The following GPSM2 variants were observed in gnomAD, a reference collection of about 807,000 sequenced individuals.
The protein encoded by GPSM2 is G protein-signaling modulator 2.
GPSM2 carries 58 observed loss-of-function variants against 78.4 expected under a neutral mutation model. That is an observed-to-expected ratio of 0.74 (90% confidence interval 0.60 to 0.92). The LOEUF (loss-of-function observed/expected upper bound fraction) is 0.92, where lower values mean the gene tolerates loss of function less well. Ranked by LOEUF, GPSM2 falls within the 40% of genes least tolerant of loss-of-function variation. GPSM2 has a pLI of 0.00. For synonymous variants in GPSM2, 224 were observed against 280.2 expected (o/e 0.80, Z 2.00); for missense variants, 700 against 815.5 (o/e 0.86, Z 1.73).
At position 108,896,914 on chromosome 1, in the gene GPSM2, A is replaced by T; in HGVS notation, c.107A>T (p.Lys36Ile). The T allele has an allele frequency of 6.2e-7, 1 of 1,614,186 alleles. No individual in the cohort carries two copies. Among genetic ancestry groups the T allele is most frequent in the Non-Finnish European group, 8.5e-7 (1 of 1,180,012 alleles). ...GCCTTGGAAGGGGAACGTCTATGTAAATCAGGAGACTGCCGCGCTGGCGTG... is the reference window on the plus strand; with the variant it reads ...GCCTTGGAAGGGGAACGTCTATGTATATCAGGAGACTGCCGCGCTGGCGTG... ...ELALEGERLC[K>I]SGDCRAGVSF... Residue 36 changes from lysine (K) to isoleucine (I), a missense_variant, in exon 3 of 15, where the codon AAA becomes ATA. By Grantham distance (102) the Lys-to-Ile change is moderately radical. Transcript: ENST00000264126.
chr1:108,925,754 T>C (rs943202466), intron 14 of GPSM2, among the ~76,000 whole-genome samples: 1 of 151,272 alleles, frequency 6.6e-6, no homozygotes, highest in Admixed American at 6.6e-5. Flanking sequence ...AAAGGGGAGA[T>C]AGTAAATATA....
chr1:108,929,855 A>C lies in GPSM2; in HGVS notation c.1970A>C (p.Asp657Ala), dbSNP rs1487216344. The C allele has an allele frequency of 3.1e-6, 5 of 1,613,960 alleles. No homozygotes were observed. Among genetic ancestry groups the C allele is most frequent in the Non-Finnish European group, 4.2e-6 (5 of 1,179,862 alleles). Residue 657 changes from aspartate (D) to alanine (A), a missense_variant, in exon 15 of 15, where the codon GAC (aspartate) becomes GCC (alanine). Coordinates refer to ENST00000264126, the MANE Select transcript of GPSM2 (RefSeq NM_013296.5). ...RVLLQRDQNR[D>A]TDFGLKDFLQ... ...CTTTTACAAAGAGATCAAAACAGAG[A>C]CACTGACTTTGGGCTAAAGGACTTT...
Position 108,895,610 on chromosome 1 carries a change from T to C in GPSM2, c.57-1254T>C, listed in dbSNP as rs543275073. On this transcript the variant is annotated intron_variant, in intron 2 of 14. Coordinates refer to ENST00000264126, the MANE Select transcript of GPSM2 (RefSeq NM_013296.5). ...GAACTGCACATTCGAGGGATCCAGA[T>C]TGCACATTCCTTATGAGAGTTTAAT... 2.6e-5 allele frequency among the ~76,000 whole-genome samples: 4 copies of C among 152,198 alleles called. No homozygotes were observed. In the South Asian group the frequency reaches 8.3e-4, roughly 32 times the overall value.
At chr1:108,890,670 C>A (rs183391460) in intron 2 of GPSM2, among the ~76,000 whole-genome samples, 1 of 152,164 alleles carries the variant, frequency 6.6e-6, no homozygotes, top group Admixed American at 6.6e-5. Context: ...TATAGTAAAT[C>A]CTTATGAAAT....
intron 11 of GPSM2, among the ~76,000 whole-genome samples, chr1:108,918,310 T>A (rs982561233): frequency 5.3e-5 from 8 of 152,218 alleles, no homozygotes; most frequent in Non-Finnish European, 8.8e-5. Context: ...AAACTTTGGC[T>A]CCTTCTCTGA....
At chr1:108,922,337 A>T in intron 12 of GPSM2, 80 bp from the exon 13 acceptor site, 1 of 1,009,332 alleles carries the variant, frequency 9.9e-7, no homozygotes, top group Admixed American at 1.8e-5. Context: ...TTTGCATTTG[A>T]ATGCATCATG....
Position 108,913,035 on chromosome 1 carries a change from A to G in GPSM2, c.1193-1303A>G, listed in dbSNP as rs76708543. Among the ~76,000 whole-genome samples the G allele has an allele frequency of 2.6e-3, 396 of 152,246 alleles. 9 individuals carry two copies. The East Asian group carries it at 0.046, about 18-fold the overall frequency. ...CTGGTAGAAACTTATGAGGTAAACA[A>G]AAATTACTACCAGTATTCAAATGAT... is the stretch of plus-strand genomic sequence containing the variant. On this transcript the variant is annotated intron_variant, in intron 10 of 14. Coordinates refer to ENST00000264126, the MANE Select transcript of GPSM2 (RefSeq NM_013296.5).
intron 10 of GPSM2, among the ~76,000 whole-genome samples, chr1:108,912,093 C>T (rs1026824193): frequency 1.1e-4 from 16 of 152,114 alleles, no homozygotes; most frequent in African/African-American, 3.4e-4. Context: ...CAGGCATGCA[C>T]CACCGTGCCC....
At chr1:108,929,469 C>T in intron 14 of GPSM2, 1 of 554,368 alleles carries the variant, frequency 1.8e-6, no homozygotes, top group Non-Finnish European at 3.2e-6. Context: ...GCAGCTATAC[C>T]TATATAAGCC....
chr1:108,910,322 T>C (rs967004164), intron 10 of GPSM2, among the ~76,000 whole-genome samples: 14 of 152,180 alleles, frequency 9.2e-5, no homozygotes, highest in African/African-American at 3.4e-4. Context: ...ATACCTGGCC[T>C]AGATGATTGT....
intron 12 of GPSM2, 120 bp from the exon 13 acceptor site, chr1:108,922,297 A>G (rs1007692942): frequency 4.1e-6 from 3 of 731,990 alleles, no homozygotes; most frequent in East Asian, 5.2e-5. Context: ...CTTTTTCAAA[A>G]TGTCAATTTT....
intron 2 of GPSM2, among the ~76,000 whole-genome samples, chr1:108,894,295 T>G (rs1019715381): frequency 6.6e-6 from 1 of 152,246 alleles, no homozygotes; most frequent in Non-Finnish European, 1.5e-5. Context: ...ATTTAACTGC[T>G]TATCTTACTA....
rs146974831 is a variant in GPSM2 at position 108,898,506 on chromosome 1, T to A, written c.558-136T>A. 34 of 723,868 alleles carry A rather than the reference T, an allele frequency of 4.7e-5. No individual in the cohort carries two copies. In the African/African-American group the frequency reaches 5.3e-4, roughly 11 times the overall value. The allele number at this position is 723,868 out of a possible 1,614,324, so 44.8% of individuals were successfully genotyped here. A position where few individuals can be genotyped will look rare whatever the true frequency, so the allele number is the denominator to read the frequency against. ...CTATAATTGCTCTTCATCATAGATG[T>A]CATCCTTAAAATGTTGCACATTATG... On this transcript the variant is annotated intron_variant, in intron 5 of 14. Transcript: ENST00000264126.
chr1:108,918,845 T>C (rs970958006), intron 12 of GPSM2, 56 bp downstream of exon 12: 1 of 1,135,438 alleles, frequency 8.8e-7, no homozygotes, highest in African/African-American at 1.5e-5. Flanking sequence ...ATTTGGGTTT[T>C]CTTGTATTCA....
intron 2 of GPSM2, among the ~76,000 whole-genome samples, chr1:108,892,187 C>T (rs139532597): frequency 1.3e-5 from 2 of 152,268 alleles, no homozygotes; most frequent in Non-Finnish European, 2.9e-5. Context: ...TCCTGAATTC[C>T]ATCATTTATT....
intron 10 of GPSM2, 121 bp downstream of exon 10, chr1:108,904,375 C>G (rs1649065387): frequency 1.9e-6 from 1 of 537,094 alleles, no homozygotes; most frequent in Non-Finnish European, 3.4e-6. Flanking sequence ...ACTTATTACA[C>G]TTTTTTGCTG....
rs139683351 is a variant in GPSM2, at chr1:108,922,772, A to G, written c.1600+196A>G. Among the ~76,000 whole-genome samples, 355 of 152,226 alleles carry G rather than the reference A, an allele frequency of 2.3e-3. 1 individual carries two copies. Among genetic ancestry groups the G allele is most frequent in the Middle Eastern group, 6.8e-3 (2 of 294 alleles). On this transcript the variant is annotated intron_variant, in intron 13 of 14. Transcript: ENST00000264126. ...TACGTATATCTGTGTTTTTAGTCCA[A>G]TGTGCTTTCTACTAACTATATTATA...
chr1:108,889,536 C>T (rs374237311), intron 2 of GPSM2, among the ~76,000 whole-genome samples: 3 of 152,178 alleles, frequency 2.0e-5, no homozygotes, highest in African/African-American at 4.8e-5. Flanking sequence ...TCCTTATTAC[C>T]GCTAGCAGAT....
chr1:108,897,725 A>G (rs1648479581), intron 4 of GPSM2, 98 bp downstream of exon 4: 1 of 1,155,536 alleles, frequency 8.7e-7, no homozygotes, highest in African/African-American at 1.6e-5. Flanking sequence ...TTTAAAATTA[A>G]TACCAAAAAA....
Sources: gnomAD v4.1 joint callset for allele counts (sites outside exome capture counted in the v4.1 genomes callset) on GRCh38, gnomAD v4.1.1 for gene constraint, MANE v1.5 for transcripts, NCBI Gene and HGNC (gene_info 2026-07-23, HGNC 2026-07-21) for gene names.